SH3D19: variants seen among roughly 807,000 people sequenced by gnomAD.
SH3D19 encodes SH3 domain-containing protein 19.
SH3D19 carries 58 observed loss-of-function variants against 112.1 expected under a neutral mutation model. The ratio of observed to expected loss-of-function variants is 0.52; its 90% CI spans 0.42 to 0.64. The LOEUF (loss-of-function observed/expected upper bound fraction) is 0.64. SH3D19 is among the 30% of genes least tolerant of loss of function. The pLI is 0.00. For missense variants in SH3D19, 1,090 were observed against 1,263.4 expected (o/e 0.86, Z 2.08); for synonymous variants, 391 against 448.5 (o/e 0.87, Z 1.62).
In SH3D19 at chr4:151,132,403, A is replaced by C. The variant is rs748972450; in HGVS notation, c.2690-20T>G. 3 of 1,610,584 alleles carry C rather than the reference A, an allele frequency of 1.9e-6. No homozygotes were observed. Among genetic ancestry groups the C allele is most frequent in the Non-Finnish European group, 2.5e-6 (3 of 1,177,558 alleles). On this transcript the variant is annotated intron_variant, in intron 16 of 19. Transcript: ENST00000604030. Reference sequence around the variant, plus strand: ...TTGTGCCTACATTAAAAAAACAAACAAACACAAGAAGTCAGAACATTAGAT... The same window carrying C: ...TTGTGCCTACATTAAAAAAACAAACCAACACAAGAAGTCAGAACATTAGAT...
At chr4:151,322,244 C>T (rs558669348) in intron 1 of SH3D19, among the ~76,000 whole-genome samples, 3 of 151,832 alleles carry the variant, frequency 2.0e-5, no homozygotes, top group Non-Finnish European at 2.9e-5. Flanking sequence ...ATCACCCTGG[C>T]CAACATGGTG....
chr4:151,314,522 C>T (rs1208872630), intron 1 of SH3D19, among the ~76,000 whole-genome samples: 1 of 152,140 alleles, frequency 6.6e-6, no homozygotes, highest in Admixed American at 6.6e-5. Context: ...TCCAAGGTCA[C>T]ACTACAGTAA....
intron 7 of SH3D19, among the ~76,000 whole-genome samples, chr4:151,171,575 G>A (rs745651407): frequency 1.3e-5 from 2 of 152,128 alleles, no homozygotes; most frequent in Non-Finnish European, 2.9e-5. Context: ...AACAAGCAGA[G>A]GCCTCTTTAC....
chr4:151,174,628 T>C (rs1227139328), intron 7 of SH3D19, 42 bp downstream of exon 7: 1 of 1,482,072 alleles, frequency 6.7e-7, no homozygotes, highest in Non-Finnish European at 9.0e-7. Flanking sequence ...AAATACCCTA[T>C]CATGAGTTTA....
At chr4:151,217,874 T>C (rs1381731841) in intron 2 of SH3D19, among the ~76,000 whole-genome samples, 7 of 152,180 alleles carry the variant, frequency 4.6e-5, no homozygotes, top group Non-Finnish European at 1.0e-4. Flanking sequence ...TAATACTTTC[T>C]AAATAAGTTA....
intron 17 of SH3D19, among the ~76,000 whole-genome samples, chr4:151,129,063 T>G (rs955433098): frequency 6.6e-6 from 1 of 152,248 alleles, no homozygotes; most frequent in Non-Finnish European, 1.5e-5. Context: ...TAATTATCAG[T>G]GAAGCTCTTC....
chr4:151,148,917 A>C (rs992776795), intron 10 of SH3D19, among the ~76,000 whole-genome samples: 1 of 152,162 alleles, frequency 6.6e-6, no homozygotes, highest in Admixed American at 6.6e-5. Context: ...TCATGCCTGA[A>C]GTCCCAGCTA....
chr4:151,186,499 T>A (rs1439394226), intron 3 of SH3D19, among the ~76,000 whole-genome samples: 1 of 152,162 alleles, frequency 6.6e-6, no homozygotes, highest in African/African-American at 2.4e-5. Context: ...AGTGGCACAA[T>A]CTTGGCTCAC....
chr4:151,319,040 T>C (rs1349349079), intron 1 of SH3D19, among the ~76,000 whole-genome samples: 1 of 152,220 alleles, frequency 6.6e-6, no homozygotes, highest in Non-Finnish European at 1.5e-5. Context: ...TTGATGGGGA[T>C]AACTAGACAG....
intron 8 of SH3D19, among the ~76,000 whole-genome samples, chr4:151,164,574 T>G (rs894021307): frequency 6.6e-6 from 1 of 151,942 alleles, no homozygotes; most frequent in Non-Finnish European, 1.5e-5. Context: ...AATGTAACGT[T>G]ACACTAATTT....
chr4:151,224,994 G>GA (rs949339874), intron 2 of SH3D19, among the ~76,000 whole-genome samples: 6 of 151,796 alleles, frequency 4.0e-5, no homozygotes, highest in East Asian at 1.9e-4. Context: ...ATTGTACCTG[G>GA]AAAAAAAATC....
intron 9 of SH3D19, among the ~76,000 whole-genome samples, chr4:151,151,667 G>T (rs1755088508): frequency 6.6e-6 from 1 of 152,160 alleles, no homozygotes; most frequent in South Asian, 2.1e-4. Context: ...AGTTAATGTA[G>T]TGAAGCAAGT....
intron 1 of SH3D19, among the ~76,000 whole-genome samples, chr4:151,251,198 C>CTTT (rs11368412): frequency 4.2e-5 from 6 of 142,568 alleles, no homozygotes; most frequent in Admixed American, 7.0e-5. Context: ...TCTTTTTTTC[C>CTTT]TTTTTTTTTT....
At chr4:151,190,547 C>T (rs1414319871) in intron 2 of SH3D19, among the ~76,000 whole-genome samples, 1 of 152,182 alleles carries the variant, frequency 6.6e-6, no homozygotes, top group Non-Finnish European at 1.5e-5. Context: ...CCAGCTGTGG[C>T]TGAAAGGGGA....
chr4:151,223,580 A>G (rs570262053), intron 2 of SH3D19, among the ~76,000 whole-genome samples: 1 of 152,276 alleles, frequency 6.6e-6, no homozygotes, highest in South Asian at 2.1e-4. Context: ...AACAGCATTT[A>G]TTAGGAAGAA....
chr4:151,229,348 T>C (rs1769408425), intron 1 of SH3D19, among the ~76,000 whole-genome samples: 1 of 152,164 alleles, frequency 6.6e-6, no homozygotes, highest in African/African-American at 2.4e-5. Context: ...ATTTGCCAAA[T>C]GCTACACATT....
intron 1 of SH3D19, chr4:151,279,170 TG>T: frequency 5.1e-6 from 2 of 390,950 alleles, no homozygotes; most frequent in Admixed American, 3.2e-5. Flanking sequence ...CAACACGTCT[TG>T]AGTATACAGG....
chr4:151,306,595 T>G (rs550597152), intron 1 of SH3D19, among the ~76,000 whole-genome samples: 2 of 152,338 alleles, frequency 1.3e-5, no homozygotes, highest in Middle Eastern at 6.8e-3. Context: ...TTCATTAACT[T>G]CATTAAACAT....
chr4:151,299,617 C>T (rs926572336), intron 1 of SH3D19, among the ~76,000 whole-genome samples: 2 of 131,894 alleles, frequency 1.5e-5, no homozygotes, highest in Non-Finnish European at 3.5e-5. Context: ...ATCACTGTAG[C>T]ATCTTCAAAG....
Sources: allele counts gnomAD v4.1 joint callset (sites outside exome capture counted in the v4.1 genomes callset), GRCh38; gene constraint gnomAD v4.1.1; transcripts MANE v1.5; gene names NCBI Gene and HGNC (gene_info 2026-07-23, HGNC 2026-07-21).